Variants in CIZ1 observed in about 807,000 individuals in gnomAD.
CIZ1 encodes the protein CDKN1A interacting zinc finger protein 1, also known as cip1-interacting zinc finger protein.
A neutral mutation model predicts 118.6 loss-of-function variants in CIZ1; 58 were observed. The ratio of observed to expected loss-of-function variants is 0.49; its 90% confidence interval spans 0.40 to 0.61. The LOEUF is 0.61. Ranked by LOEUF, CIZ1 falls within the 20% of genes least tolerant of loss-of-function variation. The pLI is 0.00. For synonymous variants in CIZ1, 448 were observed against 443.4 expected, an observed-to-expected ratio of 1.01 and a Z score of -0.13; for missense variants, 921 against 1,115.9, an observed-to-expected ratio of 0.83 and a Z score of 2.49.
chr9:128,202,404 G>C (rs548374772), intron 1 of CIZ1, among the ~76,000 whole-genome samples: 1 of 152,288 alleles, frequency 6.6e-6, no homozygotes, highest in South Asian at 2.1e-4. Context: ...AGGAGCCCTG[G>C]ATTTGAATCC....
intron 1 of CIZ1, among the ~76,000 whole-genome samples, chr9:128,202,018 C>T (rs1044518420): frequency 3.9e-5 from 6 of 152,220 alleles, no homozygotes; most frequent in African/African-American, 1.4e-4. Flanking sequence ...CTAACAGGGC[C>T]ATCGTTATTG....
rs45456291 is a variant in CIZ1 at position 128,190,622 on chromosome 9, C to T, written c.170+66G>A. On this transcript the variant is annotated intron_variant, in intron 2 of 16. Coordinates refer to ENST00000372938, the MANE Select transcript of CIZ1 (RefSeq NM_001131016.2). ...TGGCACTGGGAAAAAGGATGGGGATCGGGAGCTCCGAGACATGGGTCTGAG... is the reference window on the plus strand; with the variant it reads ...TGGCACTGGGAAAAAGGATGGGGATTGGGAGCTCCGAGACATGGGTCTGAG... 5.9e-6 allele frequency: 9 copies of T among 1,515,886 alleles called. No homozygotes were observed. In the East Asian group the frequency reaches 2.2e-4, roughly 37 times the overall value. The allele number at this position is 1,515,886 out of a possible 1,614,324, so 93.9% of individuals were successfully genotyped here.
intron 2 of CIZ1, 65 bp downstream of exon 2, chr9:128,190,623 G>A: frequency 6.6e-7 from 1 of 1,517,406 alleles, no homozygotes; most frequent in Non-Finnish European, 8.8e-7. Context: ...GATGGGGATC[G>A]GGAGCTCCGA....
intron 11 of CIZ1, among the ~76,000 whole-genome samples, chr9:128,174,583 G>A (rs1187109692): frequency 6.6e-6 from 1 of 152,154 alleles, no homozygotes; most frequent in Non-Finnish European, 1.5e-5. Flanking sequence ...CCCCACTGAT[G>A]CAGGAAGACA....
At chr9:128,171,739 A>AAAAT (rs1037710042) in intron 11 of CIZ1, among the ~76,000 whole-genome samples, 10 of 152,020 alleles carry the variant, frequency 6.6e-5, no homozygotes, top group East Asian at 1.9e-4. Context: ...TCCGTCTCAG[A>AAAAT]AAATAAATAA....
Position 128,178,230 on chromosome 9 carries a change from T to A in CIZ1, c.1620+139A>T, listed in dbSNP as rs1039271670. The A allele has an allele frequency of 1.3e-5, 14 of 1,065,276 alleles. No individual in the cohort carries two copies. In the African/African-American group the frequency reaches 2.1e-4, roughly 16 times the overall value. 66.0% of individuals were successfully genotyped at this position (1,065,276 alleles called of 1,614,324 possible). On this transcript the variant is annotated intron_variant, in intron 9 of 16. Transcript: ENST00000372938. Reference sequence around the variant, plus strand: ...AAGCCCAGCCTGGTCTGGCCACCCATCCTAGGCAGAGGGCTGTCATCCCAT... The same window carrying A: ...AAGCCCAGCCTGGTCTGGCCACCCAACCTAGGCAGAGGGCTGTCATCCCAT...
At chr9:128,169,784 C>G in intron 12 of CIZ1, 1 of 1,369,596 alleles carries the variant, frequency 7.3e-7, no homozygotes, top group Non-Finnish European at 1.0e-6. Context: ...GCCCAAATAA[C>G]CCCTGTGAGC....
chr9:128,166,591 A>G lies in CIZ1; in HGVS notation c.2487+168T>C, dbSNP rs560406318. The G allele has an allele frequency of 1.3e-5, 13 of 1,026,390 alleles. No individual in the cohort carries two copies. The South Asian group carries it at 1.7e-4, about 14-fold the overall frequency. 63.6% of individuals were successfully genotyped at this position (1,026,390 alleles called of 1,614,324 possible). ...CTGGCACTCAGCATCCCCTTGAACAATAAGAGCCCAACCCCACCCCAGCTC... is the reference window on the plus strand; with the variant it reads ...CTGGCACTCAGCATCCCCTTGAACAGTAAGAGCCCAACCCCACCCCAGCTC... On this transcript the variant is annotated intron_variant, in intron 16 of 16. Coordinates refer to ENST00000372938, the MANE Select transcript of CIZ1 (RefSeq NM_001131016.2). This position sits in a 1 kb window ranked among gnomAD's most constrained non-coding sequence, Gnocchi z 4.4.
upstream of CIZ1, among the ~76,000 whole-genome samples, chr9:128,193,279 G>A (rs556718196): frequency 7.9e-4 from 120 of 152,284 alleles, 1 homozygote; most frequent in Middle Eastern, 6.8e-3. Flanking sequence ...TGAGAAGTAG[G>A]CTTTATCCTC....
chr9:128,192,731 C>T (rs1356283091), upstream of CIZ1, among the ~76,000 whole-genome samples: 1 of 152,132 alleles, frequency 6.6e-6, no homozygotes, highest in African/African-American at 2.4e-5. Context: ...TTAATAGAGA[C>T]GGGGCTTCAC....
In CIZ1 at chr9:128,182,196, C is replaced by T. The variant is rs190871539; in HGVS notation, c.589-1382G>A. Among the ~76,000 whole-genome samples the T allele has an allele frequency of 1.4e-3, 213 of 152,244 alleles. 1 individual carries two copies. The highest frequency in any genetic ancestry group is 2.3e-3 in the Non-Finnish European group (154 of 68,010). On this transcript the variant is annotated intron_variant, in intron 5 of 16. Transcript: ENST00000372938. ...GTATCCAATAAATAACAGCGCAGCC[C>T]GACATTCGGGGCCACTACCAGTCTC... is the stretch of plus-strand genomic sequence containing the variant.
intron 1 of CIZ1, among the ~76,000 whole-genome samples, chr9:128,201,249 CAG>C (rs1314821425): frequency 2.0e-4 from 29 of 148,288 alleles, no homozygotes; most frequent in Admixed American, 1.7e-3. Flanking sequence ...GCCTGGGTAA[CAG>C]AGCGAGATTC....
At chr9:128,186,108 C>T (rs944891895) in intron 4 of CIZ1, among the ~76,000 whole-genome samples, 1 of 152,060 alleles carries the variant, frequency 6.6e-6, no homozygotes, top group Non-Finnish European at 1.5e-5. Flanking sequence ...TAGGGAGAAC[C>T]AGCAGGAGGG....
chr9:128,172,471 C>T (rs1380058566), intron 11 of CIZ1, among the ~76,000 whole-genome samples: 62 of 152,092 alleles, frequency 4.1e-4, no homozygotes, highest in Non-Finnish European at 7.8e-4. Context: ...CCAGCCTGGG[C>T]AACGGAGCGA....
At chr9:128,200,776 G>A (rs1050730255) in intron 1 of CIZ1, among the ~76,000 whole-genome samples, 1 of 151,386 alleles carries the variant, frequency 6.6e-6, no homozygotes. Flanking sequence ...GGCGGAGGTT[G>A]CAGTGAGCTG....
rs373247353 is a variant in CIZ1, at chr9:128,169,046, C to A, written c.2295+6G>T. On this transcript the variant is annotated splice_donor_region_variant and intron_variant, in intron 14 of 16. Transcript: ENST00000372938. ...AAGCCCGCCTCCCACACCCTCCCCC[C>A]AGCACCTGCTTGCAGAGTTCCTCCT... 2.5e-6 allele frequency: 4 copies of A among 1,614,100 alleles called. No homozygotes were observed. Among genetic ancestry groups the A allele is most frequent in the South Asian group, 2.2e-5 (2 of 91,078 alleles).
chr9:128,168,043 GC>G, intron 14 of CIZ1, among the ~76,000 whole-genome samples: 1 of 152,032 alleles, frequency 6.6e-6, no homozygotes, highest in South Asian at 2.1e-4. Context: ...TTCCTCCCCA[GC>G]CCCTCAATAC....
intron 5 of CIZ1, among the ~76,000 whole-genome samples, chr9:128,182,504 A>G (rs1831795133): frequency 6.6e-6 from 1 of 152,034 alleles, no homozygotes; most frequent in Non-Finnish European, 1.5e-5. Context: ...AAGCCCTCCC[A>G]TGGCTTCCTG....
chr9:128,184,729 G>A (rs921892983), intron 5 of CIZ1, among the ~76,000 whole-genome samples: 5 of 151,902 alleles, frequency 3.3e-5, no homozygotes, highest in African/African-American at 7.3e-5. Flanking sequence ...GTGCAATGGC[G>A]CAATCTTGGC....
Sources: gnomAD v4.1 joint callset for allele counts (sites outside exome capture counted in the v4.1 genomes callset) on GRCh38, gnomAD v4.1.1 for gene constraint, Gnocchi (gnomAD v3.1) non-coding constraint, MANE v1.5 for transcripts, NCBI Gene and HGNC (gene_info 2026-07-23, HGNC 2026-07-21) for gene names.